The following DTNA variants were observed in gnomAD, a reference collection of about 807,000 sequenced individuals.
DTNA encodes dystrophin-related protein 3.
Under a neutral mutation model 100.7 loss-of-function variants are expected in DTNA, and 43 were observed. The observed-to-expected ratio is 0.43, with a 90% CI of 0.33 to 0.55. The LOEUF is 0.55. Among genes scored for constraint, DTNA ranks in the 20% least tolerant of loss-of-function variants. The probability of loss-of-function intolerance (pLI) is 0.04; values close to 1 mark genes in which losing one functional copy is unlikely to be tolerated. For synonymous variants in DTNA, 349 were observed against 347.9 expected, an observed-to-expected ratio of 1.00 and a Z score of -0.04; for missense variants, 798 against 953.9, an observed-to-expected ratio of 0.84 and a Z score of 2.15.
chr18:34,514,339 C>T (rs141290390), intron 1 of DTNA, among the ~76,000 whole-genome samples: 58 of 152,110 alleles, frequency 3.8e-4, no homozygotes, highest in South Asian at 1.2e-3. Context: ...CTGGGCTTCA[C>T]TGCCAGAATT....
chr18:34,553,642 T>C (rs1052589406), intron 1 of DTNA, among the ~76,000 whole-genome samples: 14 of 152,040 alleles, frequency 9.2e-5, no homozygotes, highest in African/African-American at 2.7e-4. Context: ...AGGGAATCCT[T>C]TCCCTATTGC....
At chr18:34,636,133 A>C (rs2058643692) in intron 1 of DTNA, among the ~76,000 whole-genome samples, 1 of 152,208 alleles carries the variant, frequency 6.6e-6, no homozygotes, top group Non-Finnish European at 1.5e-5. Context: ...CATATATTTG[A>C]GGGTGATATT....
intron 1 of DTNA, among the ~76,000 whole-genome samples, chr18:34,557,555 G>A (rs1345568804): frequency 6.6e-6 from 1 of 150,878 alleles, no homozygotes; most frequent in Non-Finnish European, 1.5e-5. Context: ...TGGTGTGGAT[G>A]TCCTTTCTGT....
At chr18:34,787,523 C>G (rs2094548406) in intron 3 of DTNA, among the ~76,000 whole-genome samples, 1 of 152,160 alleles carries the variant, frequency 6.6e-6, no homozygotes, top group Admixed American at 6.5e-5. Flanking sequence ...TTTTATCTAA[C>G]TTATATGATT....
At chr18:34,672,798 T>C (rs1403824564) in intron 1 of DTNA, among the ~76,000 whole-genome samples, 4 of 152,216 alleles carry the variant, frequency 2.6e-5, no homozygotes, top group Non-Finnish European at 5.9e-5. Context: ...AAAAATTATA[T>C]GGTATGTATA....
intron 1 of DTNA, among the ~76,000 whole-genome samples, chr18:34,518,003 T>G (rs2145129920): frequency 1.3e-5 from 2 of 152,302 alleles, no homozygotes; most frequent in Admixed American, 1.3e-4. Context: ...TGTAAGAAAC[T>G]GCAAGCTATA....
intron 1 of DTNA, among the ~76,000 whole-genome samples, chr18:34,722,606 T>TACACACACACACACACACAC (rs71166022): frequency 0.035 from 5,122 of 147,078 alleles, 135 homozygotes; most frequent in Non-Finnish European, 0.055. Flanking sequence ...TATATATACA[T>TACACACACACACACACACAC]ACACACACAC....
chr18:34,765,823 G>A (rs112339594), intron 2 of DTNA, 138 bp from the exon 3 acceptor site: 2 of 837,368 alleles, frequency 2.4e-6, no homozygotes, highest in East Asian at 5.5e-5. Context: ...ACCTGTTCAA[G>A]TCTTAAAGTT....
chr18:34,827,744 A>G, intron 10 of DTNA, 68 bp downstream of exon 10: 1 of 1,485,384 alleles, frequency 6.7e-7, no homozygotes, highest in East Asian at 2.3e-5. Context: ...GTGGTAAGAA[A>G]AATATTCTCA....
intron 21 of DTNA, among the ~76,000 whole-genome samples, chr18:34,884,245 G>A (rs982481459): frequency 6.6e-6 from 1 of 152,092 alleles, no homozygotes; most frequent in African/African-American, 2.4e-5. Context: ...AATTCTAGGG[G>A]TTCTTTTTTT....
At chr18:34,500,621 G>A (rs541839941) in intron 1 of DTNA, among the ~76,000 whole-genome samples, 4 of 151,134 alleles carry the variant, frequency 2.6e-5, no homozygotes, top group Admixed American at 2.0e-4. Flanking sequence ...CCACCCCCAC[G>A]CCCAGCTAAT....
At chr18:34,751,183 T>A (rs1302295096) in intron 1 of DTNA, among the ~76,000 whole-genome samples, 2 of 152,246 alleles carry the variant, frequency 1.3e-5, no homozygotes, top group Admixed American at 1.3e-4. Context: ...GGTCCTCTCA[T>A]CTGCCATTCT....
chr18:34,660,559 T>A (rs1280932865), intron 1 of DTNA, among the ~76,000 whole-genome samples: 1 of 152,088 alleles, frequency 6.6e-6, no homozygotes, highest in Non-Finnish European at 1.5e-5. Context: ...CCTTTCCAGG[T>A]CTTTTTCCTG....
At chr18:34,837,959 T>G (rs987950741) in intron 11 of DTNA, 135 bp from the exon 12 acceptor site, 1 of 854,454 alleles carries the variant, frequency 1.2e-6, no homozygotes, top group African/African-American at 1.7e-5. Context: ...GAAAACATCT[T>G]GAACATTTCA....
chr18:34,645,430 G>A (rs774161206), intron 1 of DTNA, among the ~76,000 whole-genome samples: 2 of 152,104 alleles, frequency 1.3e-5, no homozygotes, highest in Non-Finnish European at 2.9e-5. Context: ...GCAGGTAATG[G>A]AGAATTACTA....
At chr18:34,698,582 T>G (rs190860881) in intron 1 of DTNA, among the ~76,000 whole-genome samples, 4 of 152,300 alleles carry the variant, frequency 2.6e-5, no homozygotes, top group African/African-American at 9.6e-5. Flanking sequence ...ACTAATAGGA[T>G]AGATGTACAT....
chr18:34,656,010 CTG>C (rs1425467420), intron 1 of DTNA, among the ~76,000 whole-genome samples: 16 of 152,322 alleles, frequency 1.1e-4, no homozygotes, highest in Admixed American at 3.3e-4. Flanking sequence ...CGTGTGCACA[CTG>C]AGTGATATTT....
At chr18:34,596,570 C>A (rs1239099974) in intron 1 of DTNA, among the ~76,000 whole-genome samples, 1 of 152,128 alleles carries the variant, frequency 6.6e-6, no homozygotes, top group African/African-American at 2.4e-5. Context: ...GTAATACATA[C>A]AAATATCTTA....
chr18:34,690,731 T>A (rs2079630278), intron 1 of DTNA, among the ~76,000 whole-genome samples: 1 of 152,260 alleles, frequency 6.6e-6, no homozygotes, highest in Non-Finnish European at 1.5e-5. Flanking sequence ...TCATCTTTTA[T>A]CCATCTTTGT....
Sources: allele counts gnomAD v4.1 joint callset (sites outside exome capture counted in the v4.1 genomes callset), GRCh38; gene constraint gnomAD v4.1.1; transcripts MANE v1.5; gene names NCBI Gene and HGNC (gene_info 2026-07-23, HGNC 2026-07-21).